NRXN1: variants seen among roughly 807,000 people sequenced by gnomAD.
NRXN1 encodes the protein neurexin-1.
NRXN1 carries 39 observed loss-of-function variants against 150.9 expected under a neutral mutation model. That is an observed-to-expected ratio of 0.26 (90% CI 0.20 to 0.34). The LOEUF (loss-of-function observed/expected upper bound fraction) is 0.34. Among genes scored for constraint, NRXN1 ranks in the 10% least tolerant of loss-of-function variants. NRXN1 has a pLI of 1.00. For missense variants in NRXN1, 1,815 were observed against 1,949.9 expected, an observed-to-expected ratio of 0.93 and a Z score of 1.30; for synonymous variants, 924 against 757.0, an observed-to-expected ratio of 1.22 and a Z score of -3.62.
intron 2 of NRXN1, among the ~76,000 whole-genome samples, chr2:50,956,306 T>C (rs543327228): frequency 2.8e-4 from 43 of 152,196 alleles, no homozygotes; most frequent in East Asian, 7.7e-4. Flanking sequence ...GGGAATAACA[T>C]AGTACACAGG....
intron 18 of NRXN1, among the ~76,000 whole-genome samples, chr2:50,213,046 C>T (rs909095890): frequency 2.0e-5 from 3 of 151,854 alleles, no homozygotes; most frequent in Non-Finnish European, 4.4e-5. Flanking sequence ...TTTATAATTG[C>T]TCATAGAAAT....
intron 19 of NRXN1, among the ~76,000 whole-genome samples, chr2:50,070,326 C>T (rs1696056573): frequency 6.6e-6 from 1 of 152,240 alleles, no homozygotes; most frequent in Admixed American, 6.5e-5. Context: ...TTTGCAAGCC[C>T]TTTTTGTCCA....
At chr2:50,557,077 A>G (rs373899402) in intron 8 of NRXN1, among the ~76,000 whole-genome samples, 116 of 152,288 alleles carry the variant, frequency 7.6e-4, no homozygotes, top group African/African-American at 2.7e-3. Context: ...GAGAGTGTTC[A>G]CTGCATCTTC....
At chr2:50,297,105 G>A (rs1235874169) in intron 17 of NRXN1, among the ~76,000 whole-genome samples, 1 of 151,676 alleles carries the variant, frequency 6.6e-6, no homozygotes, top group African/African-American at 2.4e-5. Context: ...TGGTCAGGCT[G>A]GTCTCAAACT....
intron 12 of NRXN1, among the ~76,000 whole-genome samples, chr2:50,509,966 C>T (rs762636548): frequency 2.0e-5 from 3 of 152,098 alleles, no homozygotes; most frequent in African/African-American, 4.8e-5. Context: ...AACACCAGAG[C>T]GTCCCCTCTG....
intron 18 of NRXN1, among the ~76,000 whole-genome samples, chr2:50,108,608 A>T (rs1207981629): frequency 6.6e-6 from 1 of 152,088 alleles, no homozygotes; most frequent in Non-Finnish European, 1.5e-5. Context: ...TACTAAGATA[A>T]ATTCTATAAA....
Position 50,351,324 on chromosome 2 carries a change from T to A in NRXN1, c.3364+114118A>T, listed in dbSNP as rs546332212. ...GAGTGTCAGTGCCTTTATCAGGAATTTATGCCCCAACACCTCAGTCAGAAT... is the reference window on the plus strand; with the variant it reads ...GAGTGTCAGTGCCTTTATCAGGAATATATGCCCCAACACCTCAGTCAGAAT... On this transcript the variant is annotated intron_variant, in intron 17 of 22. Coordinates refer to ENST00000401669, the MANE Select transcript of NRXN1 (RefSeq NM_001330078.2). Among the ~76,000 whole-genome samples, 20 of 152,256 alleles carry A rather than the reference T, an allele frequency of 1.3e-4. No homozygotes were observed. The East Asian group carries it at 3.7e-3, about 28-fold the overall frequency.
At chr2:49,969,757 T>C (rs1677624015) in intron 21 of NRXN1, 1 of 152,098 alleles carries the variant, frequency 6.6e-6, no homozygotes, top group African/African-American at 2.4e-5. Flanking sequence ...GGCCGTAGAC[T>C]GATATACTCC....
At chr2:51,010,394 G>C (rs182664174) in intron 2 of NRXN1, among the ~76,000 whole-genome samples, 10 of 151,912 alleles carry the variant, frequency 6.6e-5, no homozygotes, top group African/African-American at 2.4e-4. Context: ...CTCGCTAAAC[G>C]TATTTTTAAC....
chr2:50,649,656 A>G (rs1400406743), intron 5 of NRXN1, among the ~76,000 whole-genome samples: 1 of 152,020 alleles, frequency 6.6e-6, no homozygotes, highest in Non-Finnish European at 1.5e-5. Flanking sequence ...GGAACTAGTA[A>G]TACCTACTGT....
At chr2:50,207,471 AAT>A (rs1191773714) in intron 18 of NRXN1, 1 of 152,344 alleles carries the variant, frequency 6.6e-6, no homozygotes, top group Non-Finnish European at 1.5e-5. Context: ...ACAATTAAGA[AAT>A]ATATATTTAT....
At chr2:50,836,342 AC>A (rs1574651778) in intron 5 of NRXN1, among the ~76,000 whole-genome samples, 1 of 151,994 alleles carries the variant, frequency 6.6e-6, no homozygotes, top group East Asian at 1.9e-4. Flanking sequence ...TTTAAAATCT[AC>A]CCCCTTAGCA....
intron 5 of NRXN1, among the ~76,000 whole-genome samples, chr2:50,880,732 T>C (rs1434131736): frequency 1.3e-5 from 2 of 151,944 alleles, no homozygotes; most frequent in Non-Finnish European, 2.9e-5. Context: ...ATAAATGGAG[T>C]TTGACTGTGA....
At chr2:50,939,721 A>G (rs1397432287) in intron 2 of NRXN1, among the ~76,000 whole-genome samples, 1 of 152,210 alleles carries the variant, frequency 6.6e-6, no homozygotes, top group Admixed American at 6.5e-5. Flanking sequence ...AGCTCCCTCT[A>G]ATTAAAACAA....
At chr2:50,277,040 T>C (rs1020725643) in intron 17 of NRXN1, among the ~76,000 whole-genome samples, 2 of 152,122 alleles carry the variant, frequency 1.3e-5, no homozygotes, top group African/African-American at 2.4e-5. Flanking sequence ...TACCTTTTAA[T>C]TAACACAGTT....
At chr2:50,314,049 C>A (rs1329530379) in intron 17 of NRXN1, among the ~76,000 whole-genome samples, 1 of 151,926 alleles carries the variant, frequency 6.6e-6, no homozygotes, top group Non-Finnish European at 1.5e-5. Context: ...TATCTGGGAA[C>A]CTCAAAGAGA....
intron 5 of NRXN1, among the ~76,000 whole-genome samples, chr2:50,724,303 G>A (rs1246388735): frequency 3.3e-5 from 5 of 152,030 alleles, no homozygotes; most frequent in Admixed American, 3.3e-4. Context: ...AAATATTCCT[G>A]GGAAACTTTT....
At chr2:50,409,106 A>AT (rs1422738002) in intron 17 of NRXN1, among the ~76,000 whole-genome samples, 2 of 151,942 alleles carry the variant, frequency 1.3e-5, no homozygotes, top group African/African-American at 4.8e-5. Context: ...CTCCCCTTTG[A>AT]TTTTTCCTCT....
intron 5 of NRXN1, among the ~76,000 whole-genome samples, chr2:50,872,454 G>A (rs1677923423): frequency 6.6e-6 from 1 of 151,462 alleles, no homozygotes; most frequent in African/African-American, 2.4e-5. Flanking sequence ...GGGTATTTAG[G>A]GTCTAAGGCA....
Sources: allele counts gnomAD v4.1 joint callset (sites outside exome capture counted in the v4.1 genomes callset), GRCh38; gene constraint gnomAD v4.1.1; transcripts MANE v1.5; gene names NCBI Gene and HGNC (gene_info 2026-07-23, HGNC 2026-07-21).